Variants in KHDRBS2 observed in about 807,000 individuals in gnomAD.
The protein encoded by KHDRBS2 is KH RNA binding domain containing, signal transduction associated 2.
KHDRBS2 carries 26 observed loss-of-function variants against 44.3 expected under a neutral mutation model. The observed-to-expected ratio is 0.59, with a 90% CI of 0.43 to 0.81. The LOEUF (loss-of-function observed/expected upper bound fraction) is 0.81, where lower values mean the gene tolerates loss of function less well. KHDRBS2 is among the 40% of genes least tolerant of loss of function. KHDRBS2 has a pLI of 0.00. For missense variants in KHDRBS2, 476 were observed against 433.1 expected, an observed-to-expected ratio of 1.10 and a Z score of -0.88; for synonymous variants, 194 against 151.1, an observed-to-expected ratio of 1.28 and a Z score of -2.08.
intron 1 of KHDRBS2, among the ~76,000 whole-genome samples, chr6:62,210,327 C>CTT (rs70996209): frequency 3.3e-5 from 4 of 122,144 alleles, no homozygotes; most frequent in African/African-American, 6.0e-5. Context: ...TTCTAGCATT[C>CTT]TTTTTTTTTT....
At position 62,217,027 on chromosome 6, in the gene KHDRBS2, T is replaced by TA. The variant is rs566995007; in HGVS notation, c.92-39716dup. Among the ~76,000 whole-genome samples, 582 of 122,884 alleles carry TA rather than the reference T, an allele frequency of 4.7e-3. 3 individuals are homozygous for TA. The highest frequency in any genetic ancestry group is 0.017 in the East Asian group (76 of 4,436). The allele number at this position is 122,884 out of a possible 152,430, so 80.6% of individuals were successfully genotyped here. On this transcript the variant is annotated intron_variant, in intron 1 of 8. Coordinates refer to ENST00000281156, the MANE Select transcript of KHDRBS2 (RefSeq NM_152688.4). Reference sequence around the variant, plus strand: ...TCTTCTCAGAAAGAGATGATCTGATTAAAAAAAAAAAAAAAAAGGTGCCAA... The same window carrying TA: ...TCTTCTCAGAAAGAGATGATCTGATTAAAAAAAAAAAAAAAAAAGGTGCCAA...
chr6:61,778,509 A>G (rs1782448704), intron 6 of KHDRBS2, among the ~76,000 whole-genome samples: 1 of 152,230 alleles, frequency 6.6e-6, no homozygotes, highest in African/African-American at 2.4e-5. Flanking sequence ...AACATGACTT[A>G]CAGAGGAGAA....
intron 2 of KHDRBS2, among the ~76,000 whole-genome samples, chr6:62,083,856 C>A (rs1797895146): frequency 6.6e-6 from 1 of 152,190 alleles, no homozygotes; most frequent in Non-Finnish European, 1.5e-5. Flanking sequence ...TTTATCACCA[C>A]AGTGCTTCAT....
intron 1 of KHDRBS2, among the ~76,000 whole-genome samples, chr6:62,273,619 G>GCATTTTAT (rs1840441002): frequency 6.6e-6 from 1 of 151,844 alleles, no homozygotes; most frequent in African/African-American, 2.4e-5. Context: ...CCTTTCTATT[G>GCATTTTAT]CATTTTATAT....
intron 2 of KHDRBS2, among the ~76,000 whole-genome samples, chr6:62,078,486 G>T (rs1298437509): frequency 6.6e-6 from 1 of 151,780 alleles, no homozygotes; most frequent in East Asian, 1.9e-4. Context: ...TCTAGGAAGG[G>T]AATAATTTTT....
At chr6:61,941,095 G>C (rs1339749409) in intron 4 of KHDRBS2, among the ~76,000 whole-genome samples, 1 of 152,192 alleles carries the variant, frequency 6.6e-6, no homozygotes, top group Non-Finnish European at 1.5e-5. Context: ...AGCCCGCCCA[G>C]CTTGGCTTTG....
the KHDRBS2 span, among the ~76,000 whole-genome samples, chr6:61,562,210 T>C: frequency 6.6e-6 from 1 of 152,332 alleles, no homozygotes; most frequent in Admixed American, 6.5e-5. Context: ...TGTGAAGATG[T>C]GATGTTTATC....
intron 6 of KHDRBS2, among the ~76,000 whole-genome samples, chr6:61,837,948 A>C (rs767166049): frequency 6.6e-6 from 1 of 152,038 alleles, no homozygotes; most frequent in Non-Finnish European, 1.5e-5. Context: ...AATTATCTTG[A>C]ATCTTAGCAG....
chr6:61,848,026 C>T (rs528025299), intron 6 of KHDRBS2, among the ~76,000 whole-genome samples: 20 of 152,064 alleles, frequency 1.3e-4, no homozygotes, highest in Admixed American at 1.0e-3. Context: ...GGGTTACTGA[C>T]TGGCAGCACA....
At position 62,055,294 on chromosome 6, in the gene KHDRBS2, TGAA is replaced by T. The variant is rs571234975; in HGVS notation, c.220-7303_220-7301del. Among the ~76,000 whole-genome samples, 6 of 152,006 alleles carry T rather than the reference TGAA, an allele frequency of 3.9e-5. No individual in the cohort carries two copies. The South Asian group carries it at 1.2e-3, about 32-fold the overall frequency. On this transcript the variant is annotated intron_variant, in intron 2 of 8. Transcript: ENST00000281156. ...AAGGATAAAGTCATAAATGTGTCAT[TGAA>T]GGAGGAATGGGAATGGAAAAATCTT... is the stretch of plus-strand genomic sequence containing the variant.
In KHDRBS2 at chr6:62,075,891, C is replaced by A. The variant is rs571008280; in HGVS notation, c.220-27897G>T. Among the ~76,000 whole-genome samples, 286 of 109,812 alleles carry A rather than the reference C, an allele frequency of 2.6e-3. 1 individual carries two copies. Among genetic ancestry groups the A allele is most frequent in the African/African-American group, 9.0e-3 (269 of 29,866 alleles). 72.0% of individuals were successfully genotyped at this position (109,812 alleles called of 152,430 possible). A position where few individuals can be genotyped will look rare whatever the true frequency, so the allele number is the denominator to read the frequency against. ...TGGTGGCCTGGCAATCCCTATCTCT[C>A]CCTATCTCTCTCTCTCTCTCTCTTC... On this transcript the variant is annotated intron_variant, in intron 2 of 8. Coordinates refer to ENST00000281156, the MANE Select transcript of KHDRBS2 (RefSeq NM_152688.4).
chr6:61,731,441 T>G (rs1276430280), intron 7 of KHDRBS2, among the ~76,000 whole-genome samples: 1 of 152,092 alleles, frequency 6.6e-6, no homozygotes, highest in Non-Finnish European at 1.5e-5. Context: ...AAGATATCAG[T>G]TCACACTCAT....
intron 2 of KHDRBS2, among the ~76,000 whole-genome samples, chr6:62,140,373 T>C (rs957708762): frequency 1.3e-5 from 2 of 152,112 alleles, no homozygotes; most frequent in African/African-American, 4.8e-5. Flanking sequence ...ATTAGATAAA[T>C]AATTCTGACA....
intron 7 of KHDRBS2, among the ~76,000 whole-genome samples, chr6:61,704,491 G>T (rs930844162): frequency 2.0e-5 from 3 of 151,792 alleles, no homozygotes; most frequent in African/African-American, 7.3e-5. Context: ...TGTGCCATTA[G>T]CAGCTACTTT....
At chr6:62,124,971 T>A (rs1206983025) in intron 2 of KHDRBS2, among the ~76,000 whole-genome samples, 1 of 152,202 alleles carries the variant, frequency 6.6e-6, no homozygotes, top group Non-Finnish European at 1.5e-5. Context: ...TGGTTTTAAT[T>A]TGCATTTCTC....
chr6:62,013,126 A>C (rs1780600194), intron 3 of KHDRBS2, among the ~76,000 whole-genome samples: 1 of 152,190 alleles, frequency 6.6e-6, no homozygotes, highest in African/African-American at 2.4e-5. Flanking sequence ...TTGGAATTCA[A>C]ATGAGATCCT....
intron 2 of KHDRBS2, among the ~76,000 whole-genome samples, chr6:62,091,809 T>C (rs764353553): frequency 3.3e-5 from 5 of 152,192 alleles, no homozygotes; most frequent in Non-Finnish European, 7.4e-5. Context: ...AATACTGTTG[T>C]TTGTTGAACT....
chr6:61,744,931 C>G (rs1335718318), intron 6 of KHDRBS2, among the ~76,000 whole-genome samples: 1 of 152,124 alleles, frequency 6.6e-6, no homozygotes, highest in African/African-American at 2.4e-5. Context: ...ACTTTCAAAT[C>G]TGTTTTCCTT....
intron 6 of KHDRBS2, among the ~76,000 whole-genome samples, chr6:61,782,644 TATAACA>T (rs1783118336): frequency 6.8e-6 from 1 of 146,954 alleles, no homozygotes; most frequent in South Asian, 2.1e-4. Context: ...TTTAATAGCA[TATAACA>T]ATAAGTATGC....
Sources: gnomAD v4.1 joint callset for allele counts (sites outside exome capture counted in the v4.1 genomes callset) on GRCh38, gnomAD v4.1.1 for gene constraint, MANE v1.5 for transcripts, NCBI Gene and HGNC (gene_info 2026-07-23, HGNC 2026-07-21) for gene names.